Variants in GREB1L observed in about 807,000 individuals in gnomAD.
The protein encoded by GREB1L is GREB1 like retinoic acid receptor coactivator.
In GREB1L, 17 loss-of-function variants were observed where a neutral mutation model predicts 200.8. The observed-to-expected ratio is 0.08, with a 90% CI of 0.06 to 0.13. The LOEUF (loss-of-function observed/expected upper bound fraction) is 0.13, where lower values mean the gene tolerates loss of function less well. Ranked by LOEUF, GREB1L falls within the 10% of genes least tolerant of loss-of-function variation. The probability of loss-of-function intolerance (pLI) is 1.00; values close to 1 mark genes in which losing one functional copy is unlikely to be tolerated. For missense variants in GREB1L, 1,657 were observed against 2,367.7 expected (o/e 0.70, Z 6.23); for synonymous variants, 789 against 893.0 (o/e 0.88, Z 2.08).
chr18:21,270,491 G>C (rs1338929617), intron 1 of GREB1L, among the ~76,000 whole-genome samples: 1 of 152,078 alleles, frequency 6.6e-6, no homozygotes, highest in Non-Finnish European at 1.5e-5. Flanking sequence ...ATCATGTCTA[G>C]AGCCAGGCCC....
intron 7 of GREB1L, among the ~76,000 whole-genome samples, chr18:21,405,999 G>A (rs1237795550): frequency 6.7e-6 from 1 of 148,786 alleles, no homozygotes; most frequent in Admixed American, 6.8e-5. Flanking sequence ...GGGTGCTGTT[G>A]CAGTGAGCTG....
intron 1 of GREB1L, among the ~76,000 whole-genome samples, chr18:21,349,968 T>C (rs2039409571): frequency 2.6e-5 from 4 of 152,184 alleles, no homozygotes; most frequent in Admixed American, 2.6e-4. Flanking sequence ...ACTGCTGCTT[T>C]AAAACCACCC....
At chr18:21,485,477 G>A (rs1426737435) in intron 17 of GREB1L, 143 bp from the exon 18 acceptor site, 12 of 631,130 alleles carry the variant, frequency 1.9e-5, no homozygotes, top group East Asian at 1.8e-4. Context: ...AGTTGGTGTC[G>A]GGTTACATAA....
intron 15 of GREB1L, among the ~76,000 whole-genome samples, chr18:21,456,787 C>T (rs1332822099): frequency 6.6e-6 from 1 of 152,216 alleles, no homozygotes; most frequent in East Asian, 1.9e-4. Context: ...TCTCTCTCAG[C>T]TACCGGCTTC....
intron 11 of GREB1L, 100 bp downstream of exon 11, chr18:21,444,509 T>A: frequency 2.1e-6 from 2 of 947,668 alleles, no homozygotes; most frequent in Non-Finnish European, 3.2e-6. Flanking sequence ...TATCTCTTAT[T>A]TTCCCTCTTT....
intron 1 of GREB1L, among the ~76,000 whole-genome samples, chr18:21,248,973 A>G (rs1567907468): frequency 6.6e-6 from 1 of 152,236 alleles, no homozygotes; most frequent in Non-Finnish European, 1.5e-5. Flanking sequence ...GAAAAAAACA[A>G]TTAGACAAAT....
intron 19 of GREB1L, among the ~76,000 whole-genome samples, chr18:21,493,579 C>T (rs2036423375): frequency 6.6e-6 from 1 of 152,112 alleles, no homozygotes; most frequent in South Asian, 2.1e-4. Flanking sequence ...TAAACATCCT[C>T]ATATAGGCCA....
chr18:21,440,481 G>A, intron 9 of GREB1L, 93 bp downstream of exon 9: 1 of 1,235,942 alleles, frequency 8.1e-7, no homozygotes, highest in South Asian at 1.4e-5. Context: ...TTGACAATGA[G>A]TTATATGAGG....
intron 1 of GREB1L, among the ~76,000 whole-genome samples, chr18:21,339,469 A>G (rs1323043195): frequency 6.6e-6 from 1 of 152,204 alleles, no homozygotes; most frequent in Non-Finnish European, 1.5e-5. Context: ...ACCATTTTAC[A>G]TATTCTTTTC....
In GREB1L at chr18:21,278,390, A is replaced by AAAAT. The variant is rs1461504871; in HGVS notation, c.-120+35999_-120+36000insATAA. Among the ~76,000 whole-genome samples, 12 of 87,264 alleles carry AAAAT rather than the reference A, an allele frequency of 1.4e-4. No individual in the cohort carries two copies. The East Asian group carries it at 1.4e-3, about 10-fold the overall frequency. The allele number at this position is 87,264 out of a possible 152,430, so 57.2% of individuals were successfully genotyped here. On this transcript the variant is annotated intron_variant, in intron 1 of 32. Coordinates refer to ENST00000424526, the MANE Select transcript of GREB1L (RefSeq NM_001142966.3). ...AGCAAGACTCCATCTCAAAAAAAAAAAATAAATAAATAAATAAATAAATAA... is the reference window on the plus strand; with the variant it reads ...AGCAAGACTCCATCTCAAAAAAAAAAAAATAATAAATAAATAAATAAATAAATAA...
At chr18:21,508,940 T>G (rs972867913) in intron 27 of GREB1L, among the ~76,000 whole-genome samples, 1 of 151,958 alleles carries the variant, frequency 6.6e-6, no homozygotes, top group Non-Finnish European at 1.5e-5. Flanking sequence ...AAAAAGATGG[T>G]CTAAGGGAGA....
intron 1 of GREB1L, among the ~76,000 whole-genome samples, chr18:21,264,707 C>T (rs913328843): frequency 1.3e-5 from 2 of 151,096 alleles, no homozygotes; most frequent in African/African-American, 4.9e-5. Flanking sequence ...GCCCCACGCC[C>T]CCCAACCTCT....
intron 7 of GREB1L, among the ~76,000 whole-genome samples, chr18:21,428,388 GT>G (rs1254736549): frequency 1.1e-5 from 1 of 91,126 alleles, no homozygotes; most frequent in East Asian, 3.3e-4. Flanking sequence ...GGAAGTAGTG[GT>G]TTTTTTTGTA....
At chr18:21,450,305 G>A (rs965694090) in intron 12 of GREB1L, among the ~76,000 whole-genome samples, 2 of 151,998 alleles carry the variant, frequency 1.3e-5, no homozygotes, top group Non-Finnish European at 2.9e-5. Flanking sequence ...AAATTGGGGG[G>A]TGGGAGGGGA....
chr18:21,353,123 A>C (rs1293074526), intron 1 of GREB1L, among the ~76,000 whole-genome samples: 8 of 151,864 alleles, frequency 5.3e-5, no homozygotes, highest in Non-Finnish European at 8.8e-5. Context: ...CGGAACTTGC[A>C]GTGAGCAGAG....
intron 1 of GREB1L, among the ~76,000 whole-genome samples, chr18:21,339,813 A>AT (rs974240852): frequency 8.5e-5 from 13 of 152,178 alleles, no homozygotes; most frequent in Admixed American, 2.0e-4. Context: ...TGTTCATAAG[A>AT]TTTTTTTTGA....
rs2037384627 is a variant in GREB1L at position 21,515,443 on chromosome 18, G to A, written c.4928G>A (p.Ser1643Asn). Reference protein sequence around the residue: ...SSQPMEVGVSSKNVSLKTVLQ... With the variant: ...SSQPMEVGVSNKNVSLKTVLQ... Reference sequence around the variant, plus strand: ...CAGCCCATGGAAGTAGGAGTTTCCAGTAAGAATGTGTCCTTGAAGACTGTC... The same window carrying A: ...CAGCCCATGGAAGTAGGAGTTTCCAATAAGAATGTGTCCTTGAAGACTGTC... Residue 1643 changes from serine (S) to asparagine (N), a missense_variant, in exon 29 of 33, where the codon AGT (serine) becomes AAT (asparagine). Ser to Asn is a conservative substitution (Grantham distance 46). This residue lies in a region of GREB1L where 151 missense variants were observed against 309.6 expected (regional missense o/e 0.49). Transcript: ENST00000424526. The A allele has an allele frequency of 2.6e-6, 4 of 1,551,456 alleles. No individual in the cohort carries two copies. Among genetic ancestry groups the A allele is most frequent in the Non-Finnish European group, 3.5e-6 (4 of 1,146,812 alleles).
At chr18:21,443,864 C>G (rs1291744160) in intron 10 of GREB1L, among the ~76,000 whole-genome samples, 1 of 152,226 alleles carries the variant, frequency 6.6e-6, no homozygotes, top group East Asian at 1.9e-4. Context: ...GCCTACACAT[C>G]ACGTCATTCA....
At chr18:21,311,593 A>C (rs1429140713) in intron 1 of GREB1L, among the ~76,000 whole-genome samples, 1 of 152,176 alleles carries the variant, frequency 6.6e-6, no homozygotes, top group Non-Finnish European at 1.5e-5. Flanking sequence ...CTCCAGGTAC[A>C]TGTGCTGCTC....
Sources: allele counts gnomAD v4.1 joint callset (sites outside exome capture counted in the v4.1 genomes callset), GRCh38; gene constraint gnomAD v4.1.1; regional missense constraint gnomAD v4.1.1; transcripts MANE v1.5; gene names NCBI Gene and HGNC (gene_info 2026-07-23, HGNC 2026-07-21).